STIL: variants seen among roughly 807,000 people sequenced by gnomAD.
STIL encodes STIL centriolar assembly protein, also known as SCL-interrupting locus protein.
Under a neutral mutation model 110.1 loss-of-function variants are expected in STIL, and 55 were observed. The observed-to-expected ratio is 0.50, with a 90% CI of 0.40 to 0.63. The LOEUF (loss-of-function observed/expected upper bound fraction) is 0.63. Ranked by LOEUF, STIL falls within the 20% of genes least tolerant of loss-of-function variation. The pLI is 0.00. For synonymous variants in STIL, 481 were observed against 530.0 expected (o/e 0.91, Z 1.27); for missense variants, 1,358 against 1,530.0 (o/e 0.89, Z 1.87).
At chr1:47,312,448 G>A (rs1042925073) in intron 1 of STIL, among the ~76,000 whole-genome samples, 4 of 150,912 alleles carry the variant, frequency 2.7e-5, no homozygotes, top group South Asian at 2.1e-4. Context: ...GCGAGACTCC[G>A]TCTCAAAAAA....
intron 9 of STIL, among the ~76,000 whole-genome samples, chr1:47,288,775 A>G (rs1396112830): frequency 6.6e-6 from 1 of 151,118 alleles, no homozygotes; most frequent in Non-Finnish European, 1.5e-5. Flanking sequence ...GGTCAGGTGC[A>G]GTGGCTCACA....
intron 10 of STIL, chr1:47,283,084 T>C (rs976486819): frequency 6.6e-6 from 1 of 152,434 alleles, no homozygotes; most frequent in African/African-American, 2.4e-5. Context: ...CTTTTTTACA[T>C]CCTACACTAG....
intron 12 of STIL, among the ~76,000 whole-genome samples, chr1:47,276,443 CCAATTTCCTT>C (rs1644994365): frequency 6.6e-6 from 1 of 151,868 alleles, no homozygotes; most frequent in African/African-American, 2.4e-5. Context: ...TGATAAAGGA[CCAATTTCCTT>C]CATATACAAT....
chr1:47,301,038 C>T (rs1000608639), intron 5 of STIL, among the ~76,000 whole-genome samples: 1 of 152,112 alleles, frequency 6.6e-6, no homozygotes, highest in Non-Finnish European at 1.5e-5. Context: ...TTTCAAGAAC[C>T]TTCAATTTCT....
At chr1:47,296,224 A>G (rs1344677706) in intron 6 of STIL, among the ~76,000 whole-genome samples, 1 of 152,162 alleles carries the variant, frequency 6.6e-6, no homozygotes, top group Non-Finnish European at 1.5e-5. Flanking sequence ...TCACTAGAAA[A>G]TGTTCATGCA....
rs760866176 is a variant in STIL, at chr1:47,280,520, A to T, written c.1938T>A (p.Ser646Arg). ...CATTACAGTACAGGGCTGGACATCC[A>T]CTTGGGTGAAATAATGAATGCTTTT... ...ALQKHSLFHP[S>R]GCPALYCNAF... Residue 646 changes from serine to arginine, a missense_variant, in exon 12 of 17, where the codon AGT becomes AGA. Coordinates refer to ENST00000371877, the MANE Select transcript of STIL (RefSeq NM_001048166.1). 1 of 1,614,258 alleles carries T rather than the reference A, an allele frequency of 6.2e-7. No homozygotes were observed. Among genetic ancestry groups the T allele is most frequent in the Admixed American group, 1.7e-5 (1 of 60,034 alleles).
chr1:47,271,961 C>T (rs552715764), intron 13 of STIL, 115 bp downstream of exon 13: 29 of 1,080,016 alleles, frequency 2.7e-5, no homozygotes, highest in Non-Finnish European at 3.6e-5. Context: ...ATACTCTCAT[C>T]ACCTTGGTTT....
chr1:47,272,014 A>C (rs779991823), intron 13 of STIL, 62 bp downstream of exon 13: 72 of 1,568,922 alleles, frequency 4.6e-5, no homozygotes, highest in Non-Finnish European at 6.1e-5. Flanking sequence ...TAAAATTCAA[A>C]AACCAGATAT....
chr1:47,296,016 C>G (rs1645632455), intron 6 of STIL, among the ~76,000 whole-genome samples, 168 bp from the exon 7 acceptor site: 2 of 152,130 alleles, frequency 1.3e-5, no homozygotes, highest in African/African-American at 2.4e-5. Flanking sequence ...TAAAAAGACT[C>G]TGGTAAGAGG....
chr1:47,255,729 G>T (rs1265100205), intron 16 of STIL, among the ~76,000 whole-genome samples: 2 of 152,114 alleles, frequency 1.3e-5, no homozygotes, highest in Non-Finnish European at 2.9e-5. Context: ...CACTCCAATT[G>T]GGAATATGTA....
At chr1:47,271,198 CT>C (rs1644825783) in intron 13 of STIL, among the ~76,000 whole-genome samples, 1 of 152,082 alleles carries the variant, frequency 6.6e-6, no homozygotes, top group Non-Finnish European at 1.5e-5. Context: ...CCTAAATCAT[CT>C]TTTGTACCAC....
chr1:47,270,255 T>TACACACACACACACAC (rs56253074), intron 13 of STIL, among the ~76,000 whole-genome samples: 2 of 119,398 alleles, frequency 1.7e-5, no homozygotes, highest in Non-Finnish European at 3.2e-5. Flanking sequence ...TATATATATA[T>TACACACACACACACAC]ACACACACAC....
rs1646056730 is a variant in STIL, at chr1:47,309,343, G to A, written c.44+933C>T. 2.6e-5 allele frequency among the ~76,000 whole-genome samples: 4 copies of A among 151,836 alleles called. No homozygotes were observed. In the South Asian group the frequency reaches 8.3e-4, roughly 32 times the overall value. On this transcript the variant is annotated intron_variant, in intron 2 of 16. Transcript: ENST00000371877. ...CATGGGGTTTCCCCATGTTGCCCAG[G>A]CTGATTTTGAACTCCTGAGCTCAAG... is the stretch of plus-strand genomic sequence containing the variant.
chr1:47,262,283 G>A (rs996705729), intron 15 of STIL, among the ~76,000 whole-genome samples: 2 of 152,116 alleles, frequency 1.3e-5, no homozygotes, highest in African/African-American at 4.8e-5. Context: ...GACAGTCAGG[G>A]TTTCTCTATC....
chr1:47,276,207 G>C (rs549027997), intron 12 of STIL, among the ~76,000 whole-genome samples: 1 of 151,784 alleles, frequency 6.6e-6, no homozygotes, highest in Admixed American at 6.6e-5. Context: ...TCACCATGTT[G>C]GCCAGGCTGG....
In STIL at chr1:47,251,013, T is replaced by C. The variant is rs183568077; in HGVS notation, c.*123A>G. 32 of 904,346 alleles carry C rather than the reference T, an allele frequency of 3.5e-5. No individual in the cohort carries two copies. Among genetic ancestry groups the C allele is most frequent in the Middle Eastern group, 3.4e-4 (1 of 2,926 alleles). The allele number at this position is 904,346 out of a possible 1,614,324, so 56.0% of individuals were successfully genotyped here. A position where few individuals can be genotyped will look rare whatever the true frequency, so the allele number is the denominator to read the frequency against. On this transcript the variant is annotated 3_prime_UTR_variant, in exon 17 of 17. Coordinates refer to ENST00000371877, the MANE Select transcript of STIL (RefSeq NM_001048166.1). ...ATCTCACAGAAGTCACTCTTCCCAA[T>C]TGGCTGCTACCAAGAAACAGTGACT...
intron 13 of STIL, among the ~76,000 whole-genome samples, chr1:47,271,809 AAAAAAAAAAACAAAAAAC>A (rs1644848604): frequency 6.8e-6 from 1 of 147,014 alleles, no homozygotes; most frequent in Non-Finnish European, 1.5e-5. Flanking sequence ...ACTCCATTTC[AAAAAAAAAAACAAAAAAC>A]AAAAAAAAAA....
chr1:47,255,550 CAAAA>C (rs60137249), intron 16 of STIL, among the ~76,000 whole-genome samples: 9 of 123,534 alleles, frequency 7.3e-5, no homozygotes, highest in African/African-American at 2.2e-4. Context: ...CCCTGTCTCT[CAAAA>C]AAAAAAAAAA....
At chr1:47,283,106 A>G (rs567779901) in intron 10 of STIL, 2 of 152,406 alleles carry the variant, frequency 1.3e-5, no homozygotes, top group Admixed American at 6.5e-5. Flanking sequence ...CAAAGTCTCA[A>G]TAGGATGCAT....
Sources: gnomAD v4.1 joint callset for allele counts (sites outside exome capture counted in the v4.1 genomes callset) on GRCh38, gnomAD v4.1.1 for gene constraint, MANE v1.5 for transcripts, NCBI Gene and HGNC (gene_info 2026-07-23, HGNC 2026-07-21) for gene names.